The following GRIK2 variants were observed in gnomAD, a reference collection of about 807,000 sequenced individuals.
GRIK2 encodes glutamate receptor ionotropic, kainate 2.
GRIK2 carries 32 observed loss-of-function variants against 100.3 expected under a neutral mutation model. That is an observed-to-expected ratio of 0.32 (90% CI 0.24 to 0.43). GRIK2 has a LOEUF of 0.43. Ranked by LOEUF, GRIK2 falls within the 20% of genes least tolerant of loss-of-function variation. The probability of loss-of-function intolerance (pLI) is 1.00; values close to 1 mark genes in which losing one functional copy is unlikely to be tolerated. For synonymous variants in GRIK2, 417 were observed against 389.4 expected (o/e 1.07, Z -0.83); for missense variants, 843 against 1,114.9 (o/e 0.76, Z 3.47).
chr6:101,519,921 C>G (rs1409623827), intron 2 of GRIK2, among the ~76,000 whole-genome samples: 1 of 151,970 alleles, frequency 6.6e-6, no homozygotes, highest in Admixed American at 6.6e-5. Flanking sequence ...TTTTCTTTTA[C>G]CATATAATCA....
In GRIK2 at chr6:101,476,010, A is replaced by G. The variant is rs529774464; in HGVS notation, c.115+76618A>G. The stretch of plus-strand genomic sequence containing the variant: ...TCTGGGAAAATTTTGTGGAAGGACA[A>G]AATGGATATGAGTATGTCAAAAACT... On this transcript the variant is annotated intron_variant, in intron 2 of 16. Transcript: ENST00000369134. Among the ~76,000 whole-genome samples, 13 of 152,214 alleles carry G rather than the reference A, an allele frequency of 8.5e-5. No homozygotes were observed. In the East Asian group the frequency reaches 1.5e-3, roughly 18 times the overall value.
At position 101,760,666 on chromosome 6, in the gene GRIK2, A is replaced by G. The variant is rs866472101; in HGVS notation, c.952-38982A>G. 5.5e-4 allele frequency among the ~76,000 whole-genome samples: 66 copies of G among 120,594 alleles called. 6 individuals carry two copies. Among genetic ancestry groups the G allele is most frequent in the African/African-American group, 1.2e-3 (38 of 32,850 alleles). 79.1% of individuals were successfully genotyped at this position (120,594 alleles called of 152,430 possible). A position where few individuals can be genotyped will look rare whatever the true frequency, so the allele number is the denominator to read the frequency against. ...TATATATAATTATATGTTTAATTATATATAATTATATATTTAATTATATAT... is the reference window on the plus strand; with the variant it reads ...TATATATAATTATATGTTTAATTATGTATAATTATATATTTAATTATATAT... On this transcript the variant is annotated intron_variant, in intron 7 of 16. Transcript: ENST00000369134.
chr6:101,617,103 T>C (rs564972010), intron 2 of GRIK2, among the ~76,000 whole-genome samples: 100 of 151,910 alleles, frequency 6.6e-4, no homozygotes, highest in African/African-American at 2.4e-3. Context: ...TTATTTTTAC[T>C]GCTTGTGTTT....
chr6:101,633,006 G>C (rs914995307), intron 4 of GRIK2, among the ~76,000 whole-genome samples: 1 of 152,102 alleles, frequency 6.6e-6, no homozygotes, highest in African/African-American at 2.4e-5. Flanking sequence ...AGATGACTGA[G>C]GGAGCCAGTT....
chr6:101,742,311 C>A (rs1383742378), intron 7 of GRIK2, among the ~76,000 whole-genome samples: 5 of 152,042 alleles, frequency 3.3e-5, no homozygotes, highest in African/African-American at 1.2e-4. Context: ...CTCAAATCTG[C>A]CTCCTGAAGA....
At chr6:101,820,045 C>T (rs1781860872) in intron 10 of GRIK2, among the ~76,000 whole-genome samples, 2 of 152,096 alleles carry the variant, frequency 1.3e-5, no homozygotes, top group Non-Finnish European at 1.5e-5. Context: ...CTTTCAGGAA[C>T]CGTGTGTTTT....
intron 7 of GRIK2, among the ~76,000 whole-genome samples, chr6:101,791,660 G>GGT (rs1386078251): frequency 6.6e-6 from 1 of 152,054 alleles, no homozygotes; most frequent in Non-Finnish European, 1.5e-5. Context: ...GGTGTGGTGT[G>GGT]GTGCTGAAAA....
intron 7 of GRIK2, among the ~76,000 whole-genome samples, chr6:101,747,042 C>T (rs944762895): frequency 1.3e-5 from 2 of 152,056 alleles, no homozygotes. Context: ...TGAATTAGAT[C>T]AGCAGTTCAC....
intron 16 of GRIK2, among the ~76,000 whole-genome samples, chr6:102,062,638 T>C (rs1771811776): frequency 6.6e-6 from 1 of 150,600 alleles, no homozygotes; most frequent in Non-Finnish European, 1.5e-5. Flanking sequence ...AGGTTGTATA[T>C]ATTTTTTTAA....
intron 5 of GRIK2, among the ~76,000 whole-genome samples, chr6:101,679,634 A>G (rs900165132): frequency 1.3e-5 from 2 of 152,176 alleles, no homozygotes; most frequent in Admixed American, 6.5e-5. Flanking sequence ...ATTCTACTGG[A>G]AATTATTAAC....
chr6:101,606,734 TA>T (rs746496600), intron 2 of GRIK2, among the ~76,000 whole-genome samples: 3 of 151,964 alleles, frequency 2.0e-5, no homozygotes, highest in Non-Finnish European at 4.4e-5. Flanking sequence ...CTTAAATATA[TA>T]AAATGCAAAC....
intron 14 of GRIK2, among the ~76,000 whole-genome samples, chr6:101,938,684 A>C (rs1388675364): frequency 2.0e-5 from 3 of 152,086 alleles, no homozygotes; most frequent in Non-Finnish European, 4.4e-5. Flanking sequence ...AGAACTCTCC[A>C]GATGACTGAA....
At chr6:101,885,149 G>A (rs746652130) in intron 11 of GRIK2, among the ~76,000 whole-genome samples, 10 of 152,090 alleles carry the variant, frequency 6.6e-5, no homozygotes, top group African/African-American at 1.2e-4. Flanking sequence ...TGACTTATAT[G>A]TGAAATAACC....
chr6:101,859,422 G>T lies in GRIK2; in HGVS notation c.1453G>T (p.Asp485Tyr), dbSNP rs1293530685. The change falls in exon 11 of 17, where the codon GAT becomes TAT. Residue 485 changes from aspartate (D) to tyrosine (Y), a missense_variant. By Grantham distance (160) the Asp-to-Tyr change is radical (BLOSUM62 -3). Around this residue, in one of 3 missense-constraint regions of GRIK2, gnomAD observed 519 missense variants for 643.8 expected, o/e 0.81. Coordinates refer to ENST00000369134, the MANE Select transcript of GRIK2 (RefSeq NM_021956.5). ...TACATATGAAATTAGACTTGTGGAA[G>T]ATGGGAAATATGGAGCCCAGGATGA... ...GFTYEIRLVE[D>Y]GKYGAQDDAN... 1 of 1,609,836 alleles carries T rather than the reference G, an allele frequency of 6.2e-7. No individual in the cohort carries two copies. The highest frequency in any genetic ancestry group is 1.3e-5 in the African/African-American group (1 of 74,844).
chr6:101,886,995 T>A (rs924121390), intron 11 of GRIK2, among the ~76,000 whole-genome samples: 8 of 151,340 alleles, frequency 5.3e-5, no homozygotes, highest in African/African-American at 1.9e-4. Flanking sequence ...CTGGGTATTT[T>A]TTTTTTTGTA....
At chr6:101,875,556 C>T (rs1212300647) in intron 11 of GRIK2, among the ~76,000 whole-genome samples, 2 of 151,626 alleles carry the variant, frequency 1.3e-5, no homozygotes, top group African/African-American at 2.4e-5. Context: ...AGTAGTAACA[C>T]AGTAATTATT....
chr6:102,033,552 G>T lies in GRIK2; in HGVS notation c.2086-1789G>T, dbSNP rs963540149. Among the ~76,000 whole-genome samples, 8 of 151,286 alleles carry T rather than the reference G, an allele frequency of 5.3e-5. 1 individual carries two copies. In the South Asian group the frequency reaches 1.7e-3, roughly 31 times the overall value. On this transcript the variant is annotated intron_variant, in intron 14 of 16. Transcript: ENST00000369134. Reference sequence around the variant, plus strand: ...TTATTTTGGCTTTGAAAGGGATCTAGAACTGACTATCTCTGGACATTTGTG... The same window carrying T: ...TTATTTTGGCTTTGAAAGGGATCTATAACTGACTATCTCTGGACATTTGTG...
At chr6:101,612,766 C>A (rs1205510884) in intron 2 of GRIK2, among the ~76,000 whole-genome samples, 3 of 146,526 alleles carry the variant, frequency 2.0e-5, no homozygotes, top group Non-Finnish European at 3.0e-5. Context: ...GTACATAGGT[C>A]AGTAAGAAGA....
intron 16 of GRIK2, among the ~76,000 whole-genome samples, chr6:102,058,185 C>T (rs578071327): frequency 6.6e-6 from 1 of 151,842 alleles, no homozygotes; most frequent in East Asian, 1.9e-4. Context: ...CTCCATTATC[C>T]CATTAACAGT....
Sources: allele counts gnomAD v4.1 joint callset (sites outside exome capture counted in the v4.1 genomes callset), GRCh38; gene constraint gnomAD v4.1.1; regional missense constraint gnomAD v4.1.1; transcripts MANE v1.5; gene names NCBI Gene and HGNC (gene_info 2026-07-23, HGNC 2026-07-21).